The following IFT81 variants were observed in gnomAD, a reference collection of about 807,000 sequenced individuals.
IFT81 encodes the protein intraflagellar transport 81, also known as intraflagellar transport protein 81 homolog.
Under a neutral mutation model 102.6 loss-of-function variants are expected in IFT81, and 72 were observed. That is an observed-to-expected ratio of 0.70 (90% CI 0.58 to 0.85). The LOEUF (loss-of-function observed/expected upper bound fraction) is 0.85. Among genes scored for constraint, IFT81 ranks in the 40% least tolerant of loss-of-function variants. The pLI is 0.00. For missense variants in IFT81, 723 were observed against 787.3 expected (o/e 0.92, Z 0.98); for synonymous variants, 237 against 242.7 (o/e 0.98, Z 0.22).
At chr12:110,215,558 C>T (rs1222782162) in intron 18 of IFT81, among the ~76,000 whole-genome samples, 2 of 139,922 alleles carry the variant, frequency 1.4e-5, no homozygotes, top group Non-Finnish European at 3.0e-5. Flanking sequence ...AGTTCCCAGG[C>T]TCAAGTGATC....
At position 110,167,023 on chromosome 12, in the gene IFT81, A is replaced by C. The variant is rs377331736; in HGVS notation, c.1188+3958A>C. On this transcript the variant is annotated intron_variant, in intron 11 of 18. Transcript: ENST00000242591. ...TTAGTCATTTTCTTTTTAGAGGTCC[A>C]TTAGCAGTTTTTAGTTTGGTGGTGA... Among the ~76,000 whole-genome samples, 9 of 152,116 alleles carry C rather than the reference A, an allele frequency of 5.9e-5. No individual in the cohort carries two copies. The East Asian group carries it at 1.5e-3, about 26-fold the overall frequency.
In IFT81 at chr12:110,146,986, A is replaced by G; in HGVS notation, c.979A>G (p.Ile327Val). 1 of 1,611,098 alleles carries G rather than the reference A, an allele frequency of 6.2e-7. No individual in the cohort carries two copies. Reference protein sequence around the residue: ...NEINTEINQLIEKKMMRNEPI... With the variant: ...NEINTEINQLVEKKMMRNEPI... Reference sequence around the variant, plus strand: ...AATAAACACAGAAATTAACCAGTTGATTGAAAAGAAAATGATGAGAAATGA... The same window carrying G: ...AATAAACACAGAAATTAACCAGTTGGTTGAAAAGAAAATGATGAGAAATGA... Residue 327 changes from isoleucine (I) to valine (V), a missense_variant, in exon 10 of 19, where the codon ATT becomes GTT. Transcript: ENST00000242591.
At chr12:110,171,587 T>C (rs544308374) in intron 11 of IFT81, among the ~76,000 whole-genome samples, 3 of 152,360 alleles carry the variant, frequency 2.0e-5, no homozygotes, top group African/African-American at 7.2e-5. Flanking sequence ...AATGTGCCAC[T>C]AACAGGTTAG....
chr12:110,207,556 CTTTTTTTT>C (rs896586216), intron 17 of IFT81, among the ~76,000 whole-genome samples: 4 of 97,188 alleles, frequency 4.1e-5, no homozygotes, highest in Non-Finnish European at 7.8e-5. Flanking sequence ...GTCCTTCAGT[CTTTTTTTT>C]TTTTTTTTTT....
At chr12:110,176,955 C>A (rs960350979) in intron 11 of IFT81, among the ~76,000 whole-genome samples, 1 of 152,198 alleles carries the variant, frequency 6.6e-6, no homozygotes, top group Admixed American at 6.5e-5. Context: ...GGGTTGATTT[C>A]ATTTTGGGCA....
At chr12:110,193,096 A>C (rs1897865454) in intron 14 of IFT81, among the ~76,000 whole-genome samples, 1 of 152,186 alleles carries the variant, frequency 6.6e-6, no homozygotes, top group Non-Finnish European at 1.5e-5. Flanking sequence ...CCAGAAGGTC[A>C]GGATTGCAGT....
intron 18 of IFT81, among the ~76,000 whole-genome samples, chr12:110,215,459 T>C (rs1869978156): frequency 2.1e-5 from 2 of 97,290 alleles, no homozygotes; most frequent in African/African-American, 4.5e-5. Context: ...TCTTCTTTTT[T>C]TTTTTTTTTT....
intron 17 of IFT81, among the ~76,000 whole-genome samples, chr12:110,206,558 C>G (rs1363861250): frequency 6.6e-6 from 1 of 151,768 alleles, no homozygotes; most frequent in Non-Finnish European, 1.5e-5. Context: ...GCCCGTAGTC[C>G]CAGCTACTTA....
chr12:110,193,486 A>G (rs185949466), intron 14 of IFT81, among the ~76,000 whole-genome samples: 2 of 152,336 alleles, frequency 1.3e-5, no homozygotes, highest in East Asian at 3.9e-4. Context: ...AAATACCATT[A>G]CTTGGAAACT....
At chr12:110,181,952 A>T (rs1263252827) in intron 12 of IFT81, among the ~76,000 whole-genome samples, 2 of 152,192 alleles carry the variant, frequency 1.3e-5, no homozygotes, top group African/African-American at 4.8e-5. Flanking sequence ...TTCTGATCCC[A>T]TGATCAACTT....
At chr12:110,139,942 G>T (rs993252786) in intron 8 of IFT81, among the ~76,000 whole-genome samples, 2 of 149,686 alleles carry the variant, frequency 1.3e-5, no homozygotes, top group Non-Finnish European at 3.0e-5. Context: ...GGTACATGCC[G>T]ATAGTCCTAG....
chr12:110,127,939 G>C (rs1893942294), intron 2 of IFT81, 107 bp from the exon 3 acceptor site: 2 of 736,318 alleles, frequency 2.7e-6, no homozygotes, highest in Admixed American at 2.3e-5. Context: ...TTTATGAAGA[G>C]ACCATTGTGC....
intron 10 of IFT81, among the ~76,000 whole-genome samples, chr12:110,152,494 A>G (rs1895596356): frequency 6.6e-6 from 1 of 152,014 alleles, no homozygotes; most frequent in Non-Finnish European, 1.5e-5. Flanking sequence ...TAATCAGGTT[A>G]TCTGTTTTTT....
intron 9 of IFT81, among the ~76,000 whole-genome samples, chr12:110,146,382 A>G (rs1019019861): frequency 6.6e-6 from 1 of 152,212 alleles, no homozygotes; most frequent in African/African-American, 2.4e-5. Context: ...AATCATTGTA[A>G]TAAATCCCTG....
intron 14 of IFT81, among the ~76,000 whole-genome samples, chr12:110,202,179 TATG>T (rs569805132): frequency 3.0e-4 from 45 of 152,338 alleles, no homozygotes; most frequent in African/African-American, 1.1e-3. Context: ...TTATGATGCC[TATG>T]ATATCACTAA....
intron 5 of IFT81, 29 bp from the exon 6 acceptor site, chr12:110,134,919 C>T: frequency 6.4e-7 from 1 of 1,554,456 alleles, no homozygotes; most frequent in Non-Finnish European, 8.8e-7. Context: ...AATACTTTTT[C>T]TTATAAGGTC....
In IFT81 at chr12:110,205,692, T is replaced by C; in HGVS notation, c.1802+12T>C. Reference sequence around the variant, plus strand: ...AGAAAGGCAATTAGGCAAGTGATTTTGTTGTTTTATATTGAGATACTTAAT... The same window carrying C: ...AGAAAGGCAATTAGGCAAGTGATTTCGTTGTTTTATATTGAGATACTTAAT... On this transcript the variant is annotated intron_variant, in intron 17 of 18. Coordinates refer to ENST00000242591, the MANE Select transcript of IFT81 (RefSeq NM_014055.4). 6.5e-7 allele frequency: 1 copy of C among 1,539,470 alleles called. No homozygotes were observed. The highest frequency in any genetic ancestry group is 1.4e-5 in the African/African-American group (1 of 72,538).
chr12:110,154,628 CAAAAAAA>C (rs201856295), intron 10 of IFT81, among the ~76,000 whole-genome samples: 3 of 53,644 alleles, frequency 5.6e-5, no homozygotes, highest in African/African-American at 2.1e-4. Context: ...CTCTGTCTCA[CAAAAAAA>C]AAAAAAAAAG....
intron 15 of IFT81, chr12:110,204,152 G>A (rs1898446806): frequency 6.4e-6 from 3 of 466,014 alleles, no homozygotes; most frequent in Non-Finnish European, 7.7e-6. Context: ...TTTAAATACT[G>A]CCCGTGTACG....
Sources: allele counts gnomAD v4.1 joint callset (sites outside exome capture counted in the v4.1 genomes callset), GRCh38; gene constraint gnomAD v4.1.1; transcripts MANE v1.5; gene names NCBI Gene and HGNC (gene_info 2026-07-23, HGNC 2026-07-21).